The following AKR1B15 variants were observed in gnomAD, a reference collection of about 807,000 sequenced individuals.
AKR1B15 encodes the protein estradiol 17-beta-dehydrogenase AKR1B15.
Under a neutral mutation model 38.5 loss-of-function variants are expected in AKR1B15, and 49 were observed. The ratio of observed to expected loss-of-function variants is 1.27; its 90% CI spans 1.01 to 1.62. The LOEUF (loss-of-function observed/expected upper bound fraction) is 1.62, where lower values mean the gene tolerates loss of function less well. Ranked by LOEUF, AKR1B15 falls within the 40% of genes most tolerant of loss-of-function variation. AKR1B15 has a pLI of 0.00. For synonymous variants in AKR1B15, 137 were observed against 135.5 expected, an observed-to-expected ratio of 1.01 and a Z score of -0.08; for missense variants, 411 against 381.6, an observed-to-expected ratio of 1.08 and a Z score of -0.64.
At chr7:134,569,652 A>G in intron 5 of AKR1B15, 123 bp downstream of exon 5, 1 of 961,088 alleles carries the variant, frequency 1.0e-6, no homozygotes, top group South Asian at 1.7e-5. Context: ...TTTCATGGAC[A>G]TTTCTTAATT....
At chr7:134,571,791 T>C in intron 6 of AKR1B15, 110 bp downstream of exon 6, 1 of 862,564 alleles carries the variant, frequency 1.2e-6, no homozygotes, top group South Asian at 1.6e-5. Flanking sequence ...ATTTCATCAT[T>C]GTGATTCTCT....
chr7:134,576,358 T>C lies in AKR1B15; in HGVS notation c.753T>C (p.Pro251=), dbSNP rs397833239. ...LGSPDRPWAK[P]EDPSLLEDPK... is the part of the protein sequence containing the mutation. ...ATCTTTCTGCCCCTAGGGCCAAACC[T>C]GAGGACCCTTCCCTGCTGGAGGATC... is the stretch of plus-strand genomic sequence containing the variant. The change falls in exon 9 of 12, where the codon CCT becomes CCC. Residue 251 remains proline (P), a synonymous_variant. Transcript: ENST00000457545. The C allele has an allele frequency of 6.2e-7, 1 of 1,614,082 alleles. No individual in the cohort carries two copies. The highest frequency in any genetic ancestry group is 1.1e-5 in the South Asian group (1 of 91,080).
intron 3 of AKR1B15, among the ~76,000 whole-genome samples, chr7:134,567,605 C>T (rs2117653199): frequency 6.6e-6 from 1 of 152,226 alleles, no homozygotes; most frequent in South Asian, 2.1e-4. Flanking sequence ...CCTGCTTAGA[C>T]CCACACACCC....
chr7:134,567,527 A>T (rs1708422), intron 3 of AKR1B15, among the ~76,000 whole-genome samples: 1 of 150,028 alleles, frequency 6.7e-6, no homozygotes, highest in African/African-American at 2.5e-5. Flanking sequence ...TCATCACCAC[A>T]AAGGCCTCTT....
intron 1 of AKR1B15, among the ~76,000 whole-genome samples, chr7:134,551,038 C>T (rs1793953405): frequency 6.6e-6 from 1 of 152,214 alleles, no homozygotes; most frequent in South Asian, 2.1e-4. Context: ...CATTCGTGAT[C>T]CTACCTCCAA....
chr7:134,565,864 A>C (rs1288918919), intron 3 of AKR1B15, among the ~76,000 whole-genome samples: 5 of 152,138 alleles, frequency 3.3e-5, no homozygotes, highest in African/African-American at 1.2e-4. Context: ...AGGTTTCCCC[A>C]GAGTCTTGGC....
At chr7:134,552,148 G>A (rs537436910) in intron 1 of AKR1B15, among the ~76,000 whole-genome samples, 1 of 152,224 alleles carries the variant, frequency 6.6e-6, no homozygotes, top group Admixed American at 6.5e-5. Flanking sequence ...CTTGTTCCTC[G>A]TGGTCCCAGA....
At chr7:134,565,611 A>C in intron 3 of AKR1B15, 1 of 1,597,058 alleles carries the variant, frequency 6.3e-7, no homozygotes, top group Admixed American at 1.7e-5. Context: ...TTCTCTTTCT[A>C]CATTCAGCCA....
rs1375520073 is a variant in AKR1B15 at position 134,576,985 on chromosome 7, AGAGGAATGT to A, written c.851_859del (p.Arg284_Val286del). ...CAGGTTCTGATCCGTTTCCATATCC[AGAGGAATGT>A]GACAGTGATCCCCAAGTCTATGACA... On this transcript the variant is annotated inframe_deletion, in exon 10 of 12. Transcript: ENST00000457545. 1.2e-6 allele frequency: 2 copies of A among 1,613,812 alleles called. No homozygotes were observed. The highest frequency in any genetic ancestry group is 2.7e-5 in the African/African-American group (2 of 74,924).
chr7:134,575,287 T>C (rs1469974512), intron 6 of AKR1B15, 133 bp from the exon 7 acceptor site: 2 of 1,414,442 alleles, frequency 1.4e-6, no homozygotes, highest in Non-Finnish European at 1.9e-6. Flanking sequence ...TGGACTGAAA[T>C]TTCCTGTGAA....
At chr7:134,553,893 G>A (rs1348932486) in intron 1 of AKR1B15, among the ~76,000 whole-genome samples, 2 of 152,160 alleles carry the variant, frequency 1.3e-5, no homozygotes, top group Non-Finnish European at 2.9e-5. Context: ...GGCTGGTGTG[G>A]CCATTACTAT....
intron 2 of AKR1B15, among the ~76,000 whole-genome samples, chr7:134,557,350 T>C (rs977123351): frequency 9.2e-5 from 14 of 152,142 alleles, no homozygotes; most frequent in African/African-American, 3.1e-4. Context: ...AATGATCTGA[T>C]TCCCCCAAAC....
At chr7:134,573,855 A>G (rs765977723) in intron 6 of AKR1B15, among the ~76,000 whole-genome samples, 3 of 152,204 alleles carry the variant, frequency 2.0e-5, no homozygotes, top group Non-Finnish European at 2.9e-5. Context: ...TACAACTCAG[A>G]CAAAATCAGT....
chr7:134,552,208 T>C (rs1269234519), intron 1 of AKR1B15, among the ~76,000 whole-genome samples: 1 of 152,122 alleles, frequency 6.6e-6, no homozygotes, highest in Non-Finnish European at 1.5e-5. Context: ...GCTACAGGCG[T>C]CCATCTCCTT....
At chr7:134,565,276 C>T (rs1337566914) in intron 3 of AKR1B15, 2 of 785,406 alleles carry the variant, frequency 2.5e-6, no homozygotes, top group Non-Finnish European at 3.9e-6. Context: ...ACACCACAAA[C>T]CCACCAGAAG....
chr7:134,555,440 A>T (rs117098722), intron 1 of AKR1B15, among the ~76,000 whole-genome samples: 107 of 152,262 alleles, frequency 7.0e-4, no homozygotes, highest in Non-Finnish European at 1.3e-3. Context: ...CCAGCAAAAA[A>T]AATGGGTCCC....
chr7:134,575,462 G>A lies in AKR1B15; in HGVS notation c.556G>A (p.Gly186Arg), dbSNP rs1445519062. The A allele has an allele frequency of 6.2e-7, 1 of 1,613,714 alleles. No homozygotes were observed. The highest frequency in any genetic ancestry group is 8.5e-7 in the Non-Finnish European group (1 of 1,179,826). ...LVDEGLVKAL[G>R]VSNFNHFQIE... ...GGACGAGGGGCTGGTGAAAGCCCTTGGGGTCTCAAATTTCAACCACTTCCA... is the reference window on the plus strand; with the variant it reads ...GGACGAGGGGCTGGTGAAAGCCCTTAGGGTCTCAAATTTCAACCACTTCCA... Residue 186 changes from glycine (G) to arginine (R), a missense_variant, in exon 7 of 12, where the codon GGG becomes AGG. By Grantham distance (125) the Gly-to-Arg change is moderately radical. Around this residue, in one of 3 missense-constraint regions of AKR1B15, gnomAD observed 254 missense variants for 212.4 expected, o/e 1.20. Coordinates refer to ENST00000457545, the MANE Select transcript of AKR1B15 (RefSeq NM_001080538.3).
chr7:134,549,761 C>T (rs1793902118), intron 1 of AKR1B15, among the ~76,000 whole-genome samples: 1 of 152,170 alleles, frequency 6.6e-6, no homozygotes. Flanking sequence ...ATAAAAATTG[C>T]CATGCTTGTT....
rs552776503 is a variant in AKR1B15 at position 134,559,589 on chromosome 7, T to C, written c.-23+2730T>C. Among the ~76,000 whole-genome samples, 4 of 152,310 alleles carry C rather than the reference T, an allele frequency of 2.6e-5. No individual in the cohort carries two copies. The East Asian group carries it at 5.8e-4, about 22-fold the overall frequency. ...TTTCTTAGAGAAATGAATGTGACAATGAAAAATGACACTACTCTTCGTTCA... is the reference window on the plus strand; with the variant it reads ...TTTCTTAGAGAAATGAATGTGACAACGAAAAATGACACTACTCTTCGTTCA... On this transcript the variant is annotated intron_variant, in intron 2 of 11. Transcript: ENST00000457545.
Sources: allele counts gnomAD v4.1 joint callset (sites outside exome capture counted in the v4.1 genomes callset), GRCh38; gene constraint gnomAD v4.1.1; regional missense constraint gnomAD v4.1.1; transcripts MANE v1.5; gene names NCBI Gene and HGNC (gene_info 2026-07-23, HGNC 2026-07-21).